The following BCLAF1 variants were observed in gnomAD, a reference collection of about 807,000 sequenced individuals.
BCLAF1 encodes BCL2 associated transcription factor 1, also known as bcl-2-associated transcription factor 1.
In BCLAF1, 10 loss-of-function variants were observed where a neutral mutation model predicts 99.5. The ratio of observed to expected loss-of-function variants is 0.10; its 90% CI spans 0.06 to 0.17. The LOEUF (loss-of-function observed/expected upper bound fraction) is 0.17. Ranked by LOEUF, BCLAF1 falls within the 10% of genes least tolerant of loss-of-function variation. The pLI, the probability that BCLAF1 is intolerant of heterozygous loss-of-function variation, is 1.00. For missense variants in BCLAF1, 636 were observed against 1,105.8 expected (o/e 0.58, Z 6.02); for synonymous variants, 255 against 370.9 (o/e 0.69, Z 3.59).
At chr6:136,263,218 C>A (rs990299784) in intron 11 of BCLAF1, among the ~76,000 whole-genome samples, 1 of 152,086 alleles carries the variant, frequency 6.6e-6, no homozygotes, top group African/African-American at 2.4e-5. Flanking sequence ...CTTTCTTCTA[C>A]CCCTTGTGAC....
chr6:136,280,579 T>G (rs1784246614), intron 2 of BCLAF1, among the ~76,000 whole-genome samples: 1 of 152,176 alleles, frequency 6.6e-6, no homozygotes, highest in Non-Finnish European at 1.5e-5. Context: ...GAGGGATTAC[T>G]TCAAGAAAGA....
intron 11 of BCLAF1, 111 bp from the exon 12 acceptor site, chr6:136,261,588 G>T (rs890330149): frequency 9.0e-7 from 1 of 1,114,528 alleles, no homozygotes; most frequent in Non-Finnish European, 1.3e-6. Context: ...TATGAGATTG[G>T]TAATATTCTA....
At chr6:136,266,328 C>CA (rs1018160114) in intron 11 of BCLAF1, among the ~76,000 whole-genome samples, 5 of 152,040 alleles carry the variant, frequency 3.3e-5, no homozygotes, top group South Asian at 2.1e-4. Flanking sequence ...AAAGCCATGA[C>CA]AAAAAAATGA....
At position 136,268,331 on chromosome 6, in the gene BCLAF1, T is replaced by C. The variant is rs1782025623; in HGVS notation, c.2228A>G (p.Lys743Arg). The C allele has an allele frequency of 6.3e-7, 1 of 1,597,856 alleles. No homozygotes were observed. The highest frequency in any genetic ancestry group is 1.4e-5 in the African/African-American group (1 of 73,806). Residue 743 changes from lysine to arginine, a missense_variant, in exon 10 of 13, where the codon AAA becomes AGA. Physicochemically the swap from Lys to Arg is conservative, Grantham distance 26. Around this residue, in one of 9 missense-constraint regions of BCLAF1, gnomAD observed 180 missense variants for 270.0 expected, o/e 0.67. Coordinates refer to ENST00000531224, the MANE Select transcript of BCLAF1 (RefSeq NM_014739.3). ...AGATCGAGAATGATCTTGCTCTCTT[T>C]TATGTTTACTGCAAAATAAAGAAAA... ...YKSYKDDSKH[K>R]REQDHSRSSS...
At chr6:136,287,262 A>G (rs797562) in intron 1 of BCLAF1, among the ~76,000 whole-genome samples, 27,918 of 152,108 alleles carry the variant, frequency 0.18, 2,834 homozygotes, top group African/African-American at 0.28. Flanking sequence ...GTGAGCCGAG[A>G]TGGCGCCACT....
At chr6:136,267,921 G>A (rs1263427576) in intron 10 of BCLAF1, among the ~76,000 whole-genome samples, 1 of 151,842 alleles carries the variant, frequency 6.6e-6, no homozygotes, top group Non-Finnish European at 1.5e-5. Context: ...TAAGGACTAG[G>A]TACAGTTATT....
intron 11 of BCLAF1, among the ~76,000 whole-genome samples, chr6:136,263,278 TACC>T (rs1456718779): frequency 6.6e-6 from 1 of 152,240 alleles, no homozygotes; most frequent in East Asian, 1.9e-4. Context: ...AGTATATGAT[TACC>T]ACACCAGGTA....
In BCLAF1 at chr6:136,274,236, T is replaced by A. The variant is rs772584791; in HGVS notation, c.1853-1049A>T. The A allele has an allele frequency of 1.5e-5, 16 of 1,095,648 alleles. No individual in the cohort carries two copies. In the Middle Eastern group the frequency reaches 7.0e-4, roughly 48 times the overall value. 67.9% of individuals were successfully genotyped at this position (1,095,648 alleles called of 1,614,324 possible). ...ACATCACTGGGCATTTTCAGCTCTA[T>A]ATAAAGTAAGAGCTGTTCAGATCGG... On this transcript the variant is annotated intron_variant, in intron 6 of 12. Transcript: ENST00000531224.
intron 10 of BCLAF1, 29 bp downstream of exon 10, chr6:136,268,133 A>G: frequency 6.6e-7 from 1 of 1,505,272 alleles, no homozygotes; most frequent in Non-Finnish European, 8.8e-7. Context: ...AACTCCTACC[A>G]AACAATCAAA....
intron 10 of BCLAF1, 125 bp downstream of exon 10, chr6:136,268,037 A>T: frequency 1.0e-6 from 1 of 952,908 alleles, no homozygotes; most frequent in Non-Finnish European, 1.5e-6. Flanking sequence ...ATGTTTCAAT[A>T]CTATCTCTGA....
chr6:136,284,667 T>C (rs758290177), intron 1 of BCLAF1, among the ~76,000 whole-genome samples: 4 of 152,178 alleles, frequency 2.6e-5, no homozygotes, highest in Non-Finnish European at 5.9e-5. Context: ...CCCTAAACTT[T>C]CCAGATAACT....
intron 1 of BCLAF1, among the ~76,000 whole-genome samples, chr6:136,289,495 G>A (rs1785668703): frequency 6.6e-6 from 1 of 152,226 alleles, no homozygotes; most frequent in African/African-American, 2.4e-5. Flanking sequence ...GCGCGCGCCC[G>A]CCGTTAGCAC....
Position 136,257,388 on chromosome 6 carries a change from A to G in BCLAF1, c.*3722T>C, listed in dbSNP as rs1439953387. The G allele has an allele frequency of 2.0e-5, 3 of 152,216 alleles. No homozygotes were observed. Among genetic ancestry groups the G allele is most frequent in the African/African-American group, 4.8e-5 (2 of 41,456 alleles). 9.4% of individuals were successfully genotyped at this position (152,216 alleles called of 1,614,324 possible). On this transcript the variant is annotated 3_prime_UTR_variant, in exon 13 of 13. Coordinates refer to ENST00000531224, the MANE Select transcript of BCLAF1 (RefSeq NM_014739.3). ...AGAACTGGTACCCTTAATTAAATGT[A>G]CAAGTTTGGTCTCATTACCATCATT...
At chr6:136,278,811 A>ATC (rs1273519504) in intron 3 of BCLAF1, 35 bp from the exon 4 acceptor site, 15 of 1,463,386 alleles carry the variant, frequency 1.0e-5, no homozygotes, top group Non-Finnish European at 1.4e-5. Flanking sequence ...CAAGAAAAAT[A>ATC]AAGTATTCCA....
At chr6:136,284,579 A>G (rs1784867116) in intron 1 of BCLAF1, among the ~76,000 whole-genome samples, 1 of 152,204 alleles carries the variant, frequency 6.6e-6, no homozygotes, top group Non-Finnish European at 1.5e-5. Context: ...GGTGACTTAA[A>G]GTAAATAAAA....
chr6:136,268,487 C>T (rs906794070), intron 9 of BCLAF1, 148 bp from the exon 10 acceptor site: 20 of 742,326 alleles, frequency 2.7e-5, no homozygotes, highest in African/African-American at 7.1e-5. Flanking sequence ...TAAACTTTGA[C>T]ACAGTCTGTT....
chr6:136,282,014 GGATT>G (rs1224922265), intron 2 of BCLAF1, among the ~76,000 whole-genome samples: 1 of 152,142 alleles, frequency 6.6e-6, no homozygotes, highest in Admixed American at 6.6e-5. Flanking sequence ...CAAAAGAAAT[GGATT>G]GATATCTTCT....
chr6:136,267,264 C>A, intron 10 of BCLAF1, 89 bp from the exon 11 acceptor site: 2 of 1,385,542 alleles, frequency 1.4e-6, no homozygotes, highest in Non-Finnish European at 2.0e-6. Flanking sequence ...TAACAAAAAA[C>A]ATATGCCCTA....
intron 2 of BCLAF1, among the ~76,000 whole-genome samples, 192 bp from the exon 3 acceptor site, chr6:136,280,068 A>C (rs1450217130): frequency 6.6e-6 from 1 of 152,226 alleles, no homozygotes; most frequent in Non-Finnish European, 1.5e-5. Context: ...CCTGCATGAC[A>C]GGTACTGTCG....
Sources: gnomAD v4.1 joint callset for allele counts (sites outside exome capture counted in the v4.1 genomes callset) on GRCh38, gnomAD v4.1.1 for gene constraint, gnomAD v4.1.1 regional missense constraint, MANE v1.5 for transcripts, NCBI Gene and HGNC (gene_info 2026-07-23, HGNC 2026-07-21) for gene names.